Variants in IL1RAPL1 observed in about 807,000 individuals in gnomAD.
IL1RAPL1 encodes the protein interleukin 1 receptor accessory protein like 1, also known as interleukin-1 receptor accessory protein-like 1.
A neutral mutation model predicts 48.4 loss-of-function variants in IL1RAPL1; 3 were observed. That is an observed-to-expected ratio of 0.06 (90% CI 0.03 to 0.16). IL1RAPL1 has a LOEUF of 0.16. IL1RAPL1 is among the 10% of genes least tolerant of loss of function. IL1RAPL1 has a pLI of 1.00. For synonymous variants in IL1RAPL1, 185 were observed against 187.7 expected (o/e 0.99, Z 0.12); for missense variants, 349 against 530.6 (o/e 0.66, Z 3.36).
intron 2 of IL1RAPL1, among the ~76,000 whole-genome samples, chrX:29,232,346 A>G (rs1374764187): frequency 4.5e-5 from 5 of 112,247 alleles, no homozygotes; most frequent in Admixed American, 9.5e-5. Context: ...TAACTAAAAC[A>G]TATTTTTTAA....
At chrX:29,386,727 G>C (rs1933783205) in intron 3 of IL1RAPL1, among the ~76,000 whole-genome samples, 1 of 108,988 alleles carries the variant, frequency 9.2e-6, no homozygotes, top group African/African-American at 3.4e-5. Context: ...ATTTTTTGTA[G>C]AAGTGGAGTT....
At chrX:29,555,543 G>T (rs182325205) in intron 5 of IL1RAPL1, among the ~76,000 whole-genome samples, 2 of 111,979 alleles carry the variant, frequency 1.8e-5, no homozygotes, top group East Asian at 5.6e-4. Context: ...TTGAAGAGAT[G>T]GCTAGCCATT....
At chrX:29,473,043 C>T (rs1934938055) in intron 5 of IL1RAPL1, among the ~76,000 whole-genome samples, 1 of 111,144 alleles carries the variant, frequency 9.0e-6, no homozygotes, top group African/African-American at 3.3e-5. Flanking sequence ...AGTTAATTTT[C>T]TCACAGTTTT....
intron 5 of IL1RAPL1, among the ~76,000 whole-genome samples, chrX:29,538,057 T>C (rs142526940): frequency 0.014 from 1,529 of 111,211 alleles, 29 homozygotes; most frequent in African/African-American, 0.046. Context: ...AATCATATTT[T>C]ATCTTTATCT....
chrX:29,503,323 T>A (rs894977670), intron 5 of IL1RAPL1, among the ~76,000 whole-genome samples: 1 of 111,959 alleles, frequency 8.9e-6, no homozygotes, highest in Non-Finnish European at 1.9e-5. Flanking sequence ...GGGTTTTGTT[T>A]GTTTGTTTGT....
chrX:29,693,681 A>G (rs935189799), intron 6 of IL1RAPL1, among the ~76,000 whole-genome samples: 2 of 112,410 alleles, frequency 1.8e-5, no homozygotes, highest in Non-Finnish European at 3.8e-5. Flanking sequence ...CATGTTTGCT[A>G]TTGTTGATGT....
chrX:29,928,097 A>C lies in IL1RAPL1; in HGVS notation c.1057+8003A>C, dbSNP rs534614412. ...AAGTATTTTTACAGCTGAAGCAACT[A>C]AACTAGTGTGTGTATAGTCAACAGT... On this transcript the variant is annotated intron_variant, in intron 8 of 10. Coordinates refer to ENST00000378993, the MANE Select transcript of IL1RAPL1 (RefSeq NM_014271.4). 4.5e-5 allele frequency among the ~76,000 whole-genome samples: 5 copies of C among 112,088 alleles called. No homozygotes were observed. The South Asian group carries it at 1.1e-3, about 25-fold the overall frequency.
chrX:29,058,287 G>A (rs1927268557), intron 2 of IL1RAPL1, among the ~76,000 whole-genome samples: 1 of 110,599 alleles, frequency 9.0e-6, no homozygotes, highest in Non-Finnish European at 1.9e-5. Flanking sequence ...TATGGCAGGA[G>A]AATCACTTGA....
intron 5 of IL1RAPL1, among the ~76,000 whole-genome samples, chrX:29,569,103 C>T (rs1290755357): frequency 9.0e-6 from 1 of 111,335 alleles, no homozygotes; most frequent in Non-Finnish European, 1.9e-5. Flanking sequence ...AAATATGCCT[C>T]ATTTCTCTAC....
At chrX:29,479,481 T>A (rs2147745071) in intron 5 of IL1RAPL1, among the ~76,000 whole-genome samples, 1 of 108,071 alleles carries the variant, frequency 9.3e-6, no homozygotes, top group East Asian at 2.9e-4. Context: ...TTTTCACAAC[T>A]TTCTTGGAGG....
intron 5 of IL1RAPL1, among the ~76,000 whole-genome samples, chrX:29,578,659 T>G (rs185371935): frequency 3.4e-4 from 38 of 111,645 alleles, no homozygotes; most frequent in African/African-American, 1.1e-3. Context: ...TCTATCCCCT[T>G]GTTCCCACCC....
intron 5 of IL1RAPL1, among the ~76,000 whole-genome samples, chrX:29,503,943 G>A (rs914895084): frequency 9.9e-6 from 1 of 101,393 alleles, no homozygotes; most frequent in African/African-American, 3.6e-5. Flanking sequence ...GAGCCACCAA[G>A]CCCAGCCTGA....
intron 6 of IL1RAPL1, among the ~76,000 whole-genome samples, chrX:29,903,550 C>CAGTA (rs959540569): frequency 2.3e-4 from 25 of 110,941 alleles, no homozygotes; most frequent in African/African-American, 8.2e-4. Context: ...TTTTATTTTT[C>CAGTA]AGTAAGTTAG....
rs189941660 is a variant in IL1RAPL1, at chrX:28,653,007, C to T, written c.-25+64960C>T. 2.9e-4 allele frequency among the ~76,000 whole-genome samples: 32 copies of T among 111,386 alleles called. 1 individual carries two copies. Among genetic ancestry groups the T allele is most frequent in the Admixed American group, 2.8e-3 (29 of 10,467 alleles). ...GTCACATTTAGCAAAAGAAGACACG[C>T]GCAGGTAGAGCCAATCTTTTCACTT... On this transcript the variant is annotated intron_variant, in intron 1 of 10. Coordinates refer to ENST00000378993, the MANE Select transcript of IL1RAPL1 (RefSeq NM_014271.4).
At chrX:29,267,457 A>C (rs942731989) in intron 2 of IL1RAPL1, among the ~76,000 whole-genome samples, 1 of 112,108 alleles carries the variant, frequency 8.9e-6, no homozygotes, top group Non-Finnish European at 1.9e-5. Context: ...TAGTGGTAAA[A>C]ACAACACACA....
In IL1RAPL1 at chrX:29,391,085, A is replaced by G. The variant is rs955791924; in HGVS notation, c.363-5173A>G. On this transcript the variant is annotated intron_variant, in intron 3 of 10. Transcript: ENST00000378993. ...GCTATTCCGGAGGCTGAGGCTGGAG[A>G]ATCGCTTGAACCCGGGAGGTGGAGG... Among the ~76,000 whole-genome samples, 3 of 110,232 alleles carry G rather than the reference A, an allele frequency of 2.7e-5. No individual in the cohort carries two copies. The Admixed American group carries it at 2.9e-4, about 11-fold the overall frequency.
intron 8 of IL1RAPL1, among the ~76,000 whole-genome samples, chrX:29,923,575 A>T (rs1174670805): frequency 1.8e-5 from 2 of 111,767 alleles, no homozygotes; most frequent in African/African-American, 6.5e-5. Context: ...CAAAAATAAT[A>T]ATCAAAGTAA....
intron 2 of IL1RAPL1, among the ~76,000 whole-genome samples, chrX:29,077,291 C>CTGTGAGAAATAA (rs1425754776): frequency 9.0e-6 from 1 of 111,273 alleles, no homozygotes; most frequent in Non-Finnish European, 1.9e-5. Context: ...GGAAATAGTC[C>CTGTGAGAAATAA]TGTGAGAAAT....
rs7890101 is a variant in IL1RAPL1, at chrX:29,568,187, A to G, written c.704-100243A>G. The stretch of plus-strand genomic sequence containing the variant: ...GAATAACAGATTATTCTTGATTTAA[A>G]GATCAAGAATAACAGATTATTCTTG... On this transcript the variant is annotated intron_variant, in intron 5 of 10. Coordinates refer to ENST00000378993, the MANE Select transcript of IL1RAPL1 (RefSeq NM_014271.4). 3.4e-3 allele frequency among the ~76,000 whole-genome samples: 213 copies of G among 63,373 alleles called. 18 individuals are homozygous for G. The highest frequency in any genetic ancestry group is 0.014 in the African/African-American group (195 of 13,686). 55.0% of individuals were successfully genotyped at this position (63,373 alleles called of 115,157 possible).
Sources: allele counts gnomAD v4.1 joint callset (sites outside exome capture counted in the v4.1 genomes callset), GRCh38; gene constraint gnomAD v4.1.1; transcripts MANE v1.5; gene names NCBI Gene and HGNC (gene_info 2026-07-23, HGNC 2026-07-21).